The following NBAS variants were observed in gnomAD, a reference collection of about 807,000 sequenced individuals.
The protein encoded by NBAS is NAG/BC035112 fusion.
NBAS carries 219 observed loss-of-function variants against 302.5 expected under a neutral mutation model. The observed-to-expected ratio is 0.72, with a 90% CI of 0.65 to 0.81. The LOEUF (loss-of-function observed/expected upper bound fraction) is 0.81, where lower values mean the gene tolerates loss of function less well. Among genes scored for constraint, NBAS ranks in the 30% least tolerant of loss-of-function variants. The pLI, the probability that NBAS is intolerant of heterozygous loss-of-function variation, is 0.00. For missense variants in NBAS, 2,932 were observed against 2,841.6 expected, an observed-to-expected ratio of 1.03 and a Z score of -0.72; for synonymous variants, 1,118 against 1,021.6, an observed-to-expected ratio of 1.09 and a Z score of -1.80.
At position 15,353,635 on chromosome 2, in the gene NBAS, T is replaced by C. The variant is rs541038647; in HGVS notation, c.4007A>G (p.Glu1336Gly). Reference sequence around the variant, plus strand: ...ATGTGTCAAAGCAAAAGCCATGAGCTCTTGACGAGTGGCCAAGTCCTGGTA... The same window carrying C: ...ATGTGTCAAAGCAAAAGCCATGAGCCCTTGACGAGTGGCCAAGTCCTGGTA... ...EGYQDLATRQ[E>G]LMAFALTHCP... Residue 1336 changes from glutamate (E) to glycine (G), a missense_variant, in exon 34 of 52, where the codon GAG becomes GGG. Glu to Gly is a moderately conservative substitution (Grantham distance 98, BLOSUM62 -2). Coordinates refer to ENST00000281513, the MANE Select transcript of NBAS (RefSeq NM_015909.4). 2.5e-6 allele frequency: 4 copies of C among 1,614,058 alleles called. No individual in the cohort carries two copies. In the African/African-American group the frequency reaches 4.0e-5, roughly 16 times the overall value.
At chr2:14,827,841 C>G in the NBAS span, among the ~76,000 whole-genome samples, 2 of 152,060 alleles carry the variant, frequency 1.3e-5, no homozygotes, top group Non-Finnish European at 2.9e-5. Flanking sequence ...TAGTTTCAGT[C>G]CTATTAGATG....
chr2:15,439,216 T>C (rs1382249311), intron 21 of NBAS, among the ~76,000 whole-genome samples: 2 of 148,284 alleles, frequency 1.3e-5, no homozygotes, highest in Admixed American at 1.4e-4. Flanking sequence ...GGCAGGAGAA[T>C]GGCGTGAACC....
At chr2:15,067,621 A>G in the NBAS span, among the ~76,000 whole-genome samples, 1 of 152,106 alleles carries the variant, frequency 6.6e-6, no homozygotes, top group Non-Finnish European at 1.5e-5. Flanking sequence ...TAAAGTATCT[A>G]AAATGGTCAA....
chr2:15,069,701 A>G, the NBAS span, among the ~76,000 whole-genome samples: 1 of 151,882 alleles, frequency 6.6e-6, no homozygotes, highest in South Asian at 2.1e-4. Context: ...ATGTTAAGAG[A>G]AAAAAAAAGT....
rs547124397 is a variant in NBAS at position 15,308,501 on chromosome 2, A to G, written c.4660-148T>C. On this transcript the variant is annotated intron_variant, in intron 39 of 51. Transcript: ENST00000281513. ...GCTCAAGATCAACTTAATAATGACT[A>G]TATTAAAAATCACAAGGCACTATAA... 2.0e-5 allele frequency: 20 copies of G among 1,011,176 alleles called. No individual in the cohort carries two copies. In the African/African-American group the frequency reaches 3.2e-4, roughly 16 times the overall value. The allele number at this position is 1,011,176 out of a possible 1,614,324, so 62.6% of individuals were successfully genotyped here.
chr2:15,186,821 T>C lies in NBAS; in HGVS notation c.6632A>G (p.Glu2211Gly), dbSNP rs1558420099. ...ATVMLTRCTM[E>G]NKEGLGNEVL... Reference sequence around the variant, plus strand: ...TTCATTCCCCAATCCTTCCTTGTTCTCCATCGTACATCTGGTTAGCATCAC... The same window carrying C: ...TTCATTCCCCAATCCTTCCTTGTTCCCCATCGTACATCTGGTTAGCATCAC... Residue 2211 changes from glutamate (E) to glycine (G), a missense_variant, in exon 50 of 52, where the codon GAG becomes GGG. By Grantham distance (98) the Glu-to-Gly change is moderately conservative (BLOSUM62 -2). Coordinates refer to ENST00000281513, the MANE Select transcript of NBAS (RefSeq NM_015909.4). 1 of 1,613,950 alleles carries C rather than the reference T, an allele frequency of 6.2e-7. No homozygotes were observed. Among genetic ancestry groups the C allele is most frequent in the Non-Finnish European group, 8.5e-7 (1 of 1,179,964 alleles).
chr2:15,420,402 GT>G (rs2148469949), intron 23 of NBAS, among the ~76,000 whole-genome samples: 1 of 152,242 alleles, frequency 6.6e-6, no homozygotes, highest in Non-Finnish European at 1.5e-5. Context: ...GAAATGAGAA[GT>G]AAACAAAAAG....
At chr2:14,961,164 A>G in the NBAS span, among the ~76,000 whole-genome samples, 1 of 152,136 alleles carries the variant, frequency 6.6e-6, no homozygotes, top group Admixed American at 6.5e-5. Flanking sequence ...TGAAGAGGAG[A>G]ATAAAAACTT....
chr2:15,545,618 A>T (rs1664072432), intron 6 of NBAS, among the ~76,000 whole-genome samples: 1 of 152,244 alleles, frequency 6.6e-6, no homozygotes, highest in African/African-American at 2.4e-5. Flanking sequence ...CTTATTAATT[A>T]CTAGTATTTT....
At chr2:15,541,673 A>C (rs1056348790) in intron 6 of NBAS, among the ~76,000 whole-genome samples, 8 of 151,916 alleles carry the variant, frequency 5.3e-5, no homozygotes, top group Non-Finnish European at 1.2e-4. Flanking sequence ...CATTTTTGTA[A>C]GTGGGAATAA....
chr2:14,912,377 T>C, the NBAS span, among the ~76,000 whole-genome samples: 2 of 152,208 alleles, frequency 1.3e-5, no homozygotes, highest in South Asian at 4.1e-4. Flanking sequence ...TCATTAATTA[T>C]AGAAAAGCCT....
the NBAS span, among the ~76,000 whole-genome samples, chr2:15,074,364 A>T: frequency 6.9e-6 from 1 of 144,394 alleles, no homozygotes; most frequent in Non-Finnish European, 1.5e-5. Context: ...GAAGGATGGA[A>T]GGAAGGATGG....
At chr2:15,070,720 C>A in the NBAS span, among the ~76,000 whole-genome samples, 1 of 152,190 alleles carries the variant, frequency 6.6e-6, no homozygotes, top group African/African-American at 2.4e-5. Flanking sequence ...CCTCAGGACC[C>A]CACACAACCA....
the NBAS span, among the ~76,000 whole-genome samples, chr2:15,115,466 T>C: frequency 1.3e-5 from 2 of 152,188 alleles, no homozygotes; most frequent in Non-Finnish European, 2.9e-5. Flanking sequence ...TGTAGCACTT[T>C]ATCAGGCATA....
At chr2:15,552,660 G>C (rs1211286305) in intron 5 of NBAS, among the ~76,000 whole-genome samples, 1 of 152,108 alleles carries the variant, frequency 6.6e-6, no homozygotes, top group East Asian at 1.9e-4. Flanking sequence ...ATGTCTTTTA[G>C]ATGTGTATAT....
At chr2:15,476,558 T>G (rs1207902412) in intron 13 of NBAS, among the ~76,000 whole-genome samples, 1 of 151,832 alleles carries the variant, frequency 6.6e-6, no homozygotes, top group African/African-American at 2.4e-5. Context: ...CCATCTCTAT[T>G]AAAAATACAA....
Position 15,417,604 on chromosome 2 carries a change from T to G in NBAS, c.2686A>C (p.Arg896=). 6.2e-7 allele frequency: 1 copy of G among 1,614,006 alleles called. No homozygotes were observed. Among genetic ancestry groups the G allele is most frequent in the South Asian group, 1.1e-5 (1 of 91,074 alleles). The change falls in exon 24 of 52, where the codon AGG becomes CGG. Residue 896 remains arginine, a synonymous_variant. Transcript: ENST00000281513. ...VTLETLVYEA[R]CDVTLTLKEL... is the part of the protein sequence containing the mutation. ...TTCAGGGTTAGAGTTACATCACACC[T>G]GGCTTCATAAACCAATGTTTCCAGA...
rs1180542946 is a variant in NBAS at position 15,276,843 on chromosome 2, C to T, written c.5389+8G>A. On this transcript the variant is annotated splice_region_variant and intron_variant, in intron 43 of 51. Transcript: ENST00000281513. ...GAATGAATTCAAGCAGGGAAACAAC[C>T]ATCCTACCTGATGCAACAACCTTAA... is the stretch of plus-strand genomic sequence containing the variant. 7.4e-6 allele frequency: 12 copies of T among 1,613,842 alleles called. No individual in the cohort carries two copies. Among genetic ancestry groups the T allele is most frequent in the Non-Finnish European group, 1.0e-5 (12 of 1,179,910 alleles).
At chr2:14,851,546 T>C in the NBAS span, among the ~76,000 whole-genome samples, 2 of 130,780 alleles carry the variant, frequency 1.5e-5, no homozygotes, top group Admixed American at 7.3e-5. Flanking sequence ...TTCCAATCAA[T>C]AGAAAAAGAG....
Sources: gnomAD v4.1 joint callset for allele counts (sites outside exome capture counted in the v4.1 genomes callset) on GRCh38, gnomAD v4.1.1 for gene constraint, MANE v1.5 for transcripts, NCBI Gene and HGNC (gene_info 2026-07-23, HGNC 2026-07-21) for gene names.